The following FTO variants were observed in gnomAD, a reference collection of about 807,000 sequenced individuals.
The protein encoded by FTO is FTO alpha-ketoglutarate dependent dioxygenase.
FTO carries 47 observed loss-of-function variants against 63.9 expected under a neutral mutation model. The ratio of observed to expected loss-of-function variants is 0.74; its 90% CI spans 0.58 to 0.94. FTO has a LOEUF of 0.94. Among genes scored for constraint, FTO ranks in the 40% least tolerant of loss-of-function variants. FTO has a pLI of 0.00. For synonymous variants in FTO, 207 were observed against 224.4 expected (o/e 0.92, Z 0.69); for missense variants, 562 against 618.1 (o/e 0.91, Z 0.96).
At chr16:54,084,750 G>A (rs2086223625) in intron 8 of FTO, among the ~76,000 whole-genome samples, 1 of 152,128 alleles carries the variant, frequency 6.6e-6, no homozygotes, top group Admixed American at 6.5e-5. Flanking sequence ...CTGTGATGCT[G>A]CACACACACA....
At position 54,031,655 on chromosome 16, in the gene FTO, A is replaced by G. The variant is rs548063937; in HGVS notation, c.1365-80107A>G. ...ACCAGTCTTAGGTTTTATGATACTG[A>G]TGTTTTCTATGAAGCAATGGGAGAA... On this transcript the variant is annotated intron_variant, in intron 8 of 8. Transcript: ENST00000471389. Among the ~76,000 whole-genome samples, 3 of 152,252 alleles carry G rather than the reference A, an allele frequency of 2.0e-5. No homozygotes were observed. In the East Asian group the frequency reaches 5.8e-4, roughly 29 times the overall value.
chr16:53,833,787 G>C (rs1343602847), intron 3 of FTO, among the ~76,000 whole-genome samples: 1 of 152,004 alleles, frequency 6.6e-6, no homozygotes, highest in Non-Finnish European at 1.5e-5. Flanking sequence ...GGTATGAAGT[G>C]GTATCTCCTT....
At chr16:54,009,308 A>C (rs1431256991) in intron 8 of FTO, among the ~76,000 whole-genome samples, 1 of 152,144 alleles carries the variant, frequency 6.6e-6, no homozygotes, top group Non-Finnish European at 1.5e-5. Context: ...AGTGTTTTGG[A>C]GTATTATTCT....
intron 8 of FTO, among the ~76,000 whole-genome samples, chr16:54,010,585 C>T (rs2084311999): frequency 6.7e-6 from 1 of 149,478 alleles, no homozygotes; most frequent in Non-Finnish European, 1.5e-5. Context: ...AAAAAAAAAT[C>T]AGTCCTATTG....
chr16:54,061,957 A>G (rs1361315282), intron 8 of FTO, among the ~76,000 whole-genome samples: 2 of 152,150 alleles, frequency 1.3e-5, no homozygotes, highest in Non-Finnish European at 2.9e-5. Context: ...TCCTGGCGGC[A>G]ATAAAATTTC....
intron 8 of FTO, among the ~76,000 whole-genome samples, chr16:54,015,352 AGAGTT>A (rs2084418112): frequency 6.6e-6 from 1 of 152,204 alleles, no homozygotes; most frequent in African/African-American, 2.4e-5. Flanking sequence ...CTACACAAAC[AGAGTT>A]GTTTGTCTGC....
chr16:54,094,668 G>A (rs2086472232), intron 8 of FTO, among the ~76,000 whole-genome samples: 1 of 152,208 alleles, frequency 6.6e-6, no homozygotes, highest in African/African-American at 2.4e-5. Flanking sequence ...CAGCGCAAAG[G>A]CGAACAATAC....
intron 4 of FTO, among the ~76,000 whole-genome samples, chr16:53,856,706 C>T (rs1423841710): frequency 2.3e-5 from 3 of 129,300 alleles, no homozygotes; most frequent in African/African-American, 3.3e-5. Context: ...GCTGAGATCG[C>T]GCCACTACAC....
At chr16:53,896,463 C>T (rs2081281849) in intron 7 of FTO, among the ~76,000 whole-genome samples, 3 of 152,046 alleles carry the variant, frequency 2.0e-5, no homozygotes, top group Middle Eastern at 3.4e-3. Context: ...TAATAATCAC[C>T]AGACCTACAG....
intron 7 of FTO, among the ~76,000 whole-genome samples, chr16:53,900,298 A>G (rs1411804401): frequency 1.3e-5 from 2 of 152,100 alleles, no homozygotes; most frequent in Non-Finnish European, 2.9e-5. Flanking sequence ...CCTTGATTAC[A>G]TTTTTGGATG....
rs138463879 is a variant in FTO at position 53,780,642 on chromosome 16, T to G, written c.46-29498T>G. 1.6e-3 allele frequency among the ~76,000 whole-genome samples: 238 copies of G among 152,212 alleles called. 1 individual carries two copies. Among genetic ancestry groups the G allele is most frequent in the African/African-American group, 5.4e-3 (225 of 41,528 alleles). ...ACCTCGGCCTCCCAAAGTGCTAGGA[T>G]TACAGGCAGGAGCCACTGAGCCACC... On this transcript the variant is annotated intron_variant, in intron 1 of 8. Coordinates refer to ENST00000471389, the MANE Select transcript of FTO (RefSeq NM_001080432.3).
chr16:53,786,059 T>C (rs1226840408), intron 1 of FTO, among the ~76,000 whole-genome samples: 3 of 152,104 alleles, frequency 2.0e-5, no homozygotes, highest in Non-Finnish European at 4.4e-5. Flanking sequence ...CTGACGGCTG[T>C]AGAGGATAGA....
intron 8 of FTO, among the ~76,000 whole-genome samples, chr16:53,972,174 T>C (rs2083338470): frequency 6.6e-6 from 1 of 152,132 alleles, no homozygotes; most frequent in Admixed American, 6.5e-5. Context: ...CTTTCAGCAT[T>C]CTTCATGTAT....
intron 8 of FTO, chr16:53,935,708 C>T (rs1024531718): frequency 6.6e-6 from 1 of 152,170 alleles, no homozygotes; most frequent in African/African-American, 2.4e-5. Flanking sequence ...CATGCCTGCC[C>T]AGTGGCAGAC....
chr16:53,862,588 T>A (rs1237774622), intron 4 of FTO, among the ~76,000 whole-genome samples: 2 of 149,858 alleles, frequency 1.3e-5, no homozygotes, highest in Admixed American at 1.3e-4. Flanking sequence ...CAGGCTGGAG[T>A]ACATTGGTGT....
At chr16:53,896,246 T>A (rs1402601398) in intron 7 of FTO, among the ~76,000 whole-genome samples, 2 of 152,012 alleles carry the variant, frequency 1.3e-5, no homozygotes, top group Admixed American at 6.6e-5. Flanking sequence ...AAGATTGGAA[T>A]GTCAGAAATT....
chr16:54,015,736 C>G (rs1469832908), intron 8 of FTO, among the ~76,000 whole-genome samples: 1 of 152,194 alleles, frequency 6.6e-6, no homozygotes, highest in African/African-American at 2.4e-5. Flanking sequence ...ATCTCATTCT[C>G]ACAACATTCT....
chr16:54,068,270 C>G (rs1235915937), intron 8 of FTO, among the ~76,000 whole-genome samples: 1 of 151,398 alleles, frequency 6.6e-6, no homozygotes, highest in Non-Finnish European at 1.5e-5. Context: ...TCTTTCATTT[C>G]TCTCCCATGG....
rs1193788943 is a variant in FTO at position 54,121,739 on chromosome 16, G to C, written c.*9824G>C. ...GTGGTTTCTTTTTCGGTGGGGCATG[G>C]GGTGGGGGTGAGTGTCATGCTTTCT... On this transcript the variant is annotated 3_prime_UTR_variant, in exon 9 of 9. Coordinates refer to ENST00000471389, the MANE Select transcript of FTO (RefSeq NM_001080432.3). The C allele has an allele frequency of 1.3e-5, 2 of 152,446 alleles. No individual in the cohort carries two copies. The highest frequency in any genetic ancestry group is 2.9e-5 in the Non-Finnish European group (2 of 68,216). 9.4% of individuals were successfully genotyped at this position (152,446 alleles called of 1,614,324 possible).
Sources: gnomAD v4.1 joint callset for allele counts (sites outside exome capture counted in the v4.1 genomes callset) on GRCh38, gnomAD v4.1.1 for gene constraint, MANE v1.5 for transcripts, NCBI Gene and HGNC (gene_info 2026-07-23, HGNC 2026-07-21) for gene names.